The following LRSAM1 variants were observed in gnomAD, a reference collection of about 807,000 sequenced individuals.
LRSAM1 encodes the protein leucine rich repeat and sterile alpha motif containing 1.
In LRSAM1, 96 loss-of-function variants were observed where a neutral mutation model predicts 118.1. That is an observed-to-expected ratio of 0.81 (90% CI 0.69 to 0.96). The LOEUF (loss-of-function observed/expected upper bound fraction) is 0.96, where lower values mean the gene tolerates loss of function less well. Among genes scored for constraint, LRSAM1 ranks in the 40% least tolerant of loss-of-function variants. The pLI is 0.00. For synonymous variants in LRSAM1, 322 were observed against 364.2 expected (o/e 0.88, Z 1.32); for missense variants, 804 against 915.5 (o/e 0.88, Z 1.57).
chr9:127,482,509 A>C (rs946494873), intron 15 of LRSAM1, among the ~76,000 whole-genome samples: 1 of 152,204 alleles, frequency 6.6e-6, no homozygotes, highest in African/African-American at 2.4e-5. Context: ...CTTCCCAAAA[A>C]CATTCTGCCA....
At position 127,466,504 on chromosome 9, in the gene LRSAM1, A is replaced by AT. The variant is rs869115663; in HGVS notation, c.529-1210dup. On this transcript the variant is annotated intron_variant, in intron 9 of 25. Coordinates refer to ENST00000300417, the MANE Select transcript of LRSAM1 (RefSeq NM_001005373.4). ...TATATATATATATATATATATATAT[A>AT]TTTTTTTTTTTTTTTTTTTTTTTTT... is the stretch of plus-strand genomic sequence containing the variant. 3.6e-3 allele frequency among the ~76,000 whole-genome samples: 89 copies of AT among 24,516 alleles called. 3 individuals carry two copies. The highest frequency in any genetic ancestry group is 0.011 in the East Asian group (11 of 1,024). The allele number at this position is 24,516 out of a possible 152,430, so 16.1% of individuals were successfully genotyped here.
Position 127,454,393 on chromosome 9 carries a change from G to T in LRSAM1, c.-32-103G>T. 3 of 875,084 alleles carry T rather than the reference G, an allele frequency of 3.4e-6. No individual in the cohort carries two copies. The Admixed American group carries it at 6.0e-5, about 17-fold the overall frequency. 54.2% of individuals were successfully genotyped at this position (875,084 alleles called of 1,614,324 possible). On this transcript the variant is annotated intron_variant, in intron 2 of 25. Transcript: ENST00000300417. ...AGCCCCTGCCTCCATGGAACTCATG[G>T]TCCAGCAGACCAGCTGCATGCTCTG...
intron 24 of LRSAM1, 42 bp downstream of exon 24, chr9:127,497,376 C>T (rs767878162): frequency 2.2e-5 from 34 of 1,580,132 alleles, no homozygotes; most frequent in East Asian, 4.5e-5. Flanking sequence ...GGGCTCCAGC[C>T]GTATGTGTGG....
intron 25 of LRSAM1, among the ~76,000 whole-genome samples, 199 bp downstream of exon 25, chr9:127,501,342 C>T (rs1588143418): frequency 1.3e-5 from 2 of 152,096 alleles, no homozygotes; most frequent in African/African-American, 2.4e-5. Flanking sequence ...TTTTCCGGAC[C>T]TTTTTCTTTT....
chr9:127,453,975 C>T (rs149713102), intron 2 of LRSAM1: 2,132 of 190,310 alleles, frequency 0.011, 29 homozygotes, highest in Non-Finnish European at 0.016. Flanking sequence ...CCATGGAACT[C>T]GCTAGAAAGA....
At chr9:127,483,811 C>T (rs912475876) in intron 16 of LRSAM1, among the ~76,000 whole-genome samples, 2 of 152,212 alleles carry the variant, frequency 1.3e-5, no homozygotes, top group South Asian at 4.2e-4. Context: ...CACAGATGCA[C>T]ACCACCACAC....
intron 2 of LRSAM1, among the ~76,000 whole-genome samples, chr9:127,452,667 G>A (rs1834370155): frequency 6.6e-6 from 1 of 152,218 alleles, no homozygotes; most frequent in African/African-American, 2.4e-5. Context: ...AGAAGCCAGT[G>A]TTGGTAGCAT....
chr9:127,499,983 G>A (rs1187153019), intron 24 of LRSAM1, among the ~76,000 whole-genome samples: 1 of 151,880 alleles, frequency 6.6e-6, no homozygotes, highest in East Asian at 1.9e-4. Flanking sequence ...TGTAATTCAA[G>A]CCGTAGAATA....
chr9:127,459,173 G>A, intron 7 of LRSAM1, 102 bp downstream of exon 7: 4 of 1,180,190 alleles, frequency 3.4e-6, no homozygotes, highest in Non-Finnish European at 5.0e-6. Flanking sequence ...AGTGGAAGCA[G>A]GCTGCAATCA....
chr9:127,479,591 G>A, intron 13 of LRSAM1, 86 bp downstream of exon 13: 1 of 1,574,636 alleles, frequency 6.4e-7, no homozygotes, highest in Non-Finnish European at 8.6e-7. Context: ...CTCGGATGTG[G>A]AAAGGCAGTG....
rs1271181540 is a variant in LRSAM1 at position 127,461,274 on chromosome 9, C to A, written c.406+17C>A. On this transcript the variant is annotated intron_variant, in intron 8 of 25. Coordinates refer to ENST00000300417, the MANE Select transcript of LRSAM1 (RefSeq NM_001005373.4). The stretch of plus-strand genomic sequence containing the variant: ...ATGTTAAAGGTAGGGACCAAGAAGC[C>A]GTGTCCGTGTGACCCTCCATCAGCT... The A allele has an allele frequency of 6.2e-7, 1 of 1,605,712 alleles. No individual in the cohort carries two copies. The highest frequency in any genetic ancestry group is 1.7e-5 in the Admixed American group (1 of 59,822).
At chr9:127,477,156 A>G (rs1413565945) in intron 11 of LRSAM1, among the ~76,000 whole-genome samples, 1 of 152,180 alleles carries the variant, frequency 6.6e-6, no homozygotes, top group Non-Finnish European at 1.5e-5. Context: ...CACAAATTAT[A>G]TATGTACAGA....
Position 127,462,378 on chromosome 9 carries a change from A to G in LRSAM1, c.528+5A>G, listed in dbSNP as rs749635888. 2 of 1,613,652 alleles carry G rather than the reference A, an allele frequency of 1.2e-6. No individual in the cohort carries two copies. Among genetic ancestry groups the G allele is most frequent in the South Asian group, 2.2e-5 (2 of 91,046 alleles). Reference sequence around the variant, plus strand: ...GCTCACGTTCGAACCCTGGAGGTAAATGGGAAGCTGTTCTTGCCTGGGGTG... The same window carrying G: ...GCTCACGTTCGAACCCTGGAGGTAAGTGGGAAGCTGTTCTTGCCTGGGGTG... On this transcript the variant is annotated splice_donor_5th_base_variant and intron_variant, in intron 9 of 25. Coordinates refer to ENST00000300417, the MANE Select transcript of LRSAM1 (RefSeq NM_001005373.4).
At chr9:127,481,115 G>A in intron 14 of LRSAM1, 68 bp from the exon 15 acceptor site, 4 of 1,570,778 alleles carry the variant, frequency 2.5e-6, no homozygotes, top group Admixed American at 1.7e-5. Context: ...CCTCTGCACA[G>A]CTAACGCAGT....
At position 127,473,870 on chromosome 9, in the gene LRSAM1, ACT is replaced by A. The variant is rs1314609484; in HGVS notation, c.693_694del (p.Arg232GlyfsTer4). On this transcript the variant is annotated frameshift_variant, in exon 11 of 26. Transcript: ENST00000300417. LOFTEE classifies it high-confidence loss of function. ...ATTCTGGAGCAAGATGGAATCGAGA[ACT>A]CTCGGGACAGCCCTGATGGGCCCAC... The A allele has an allele frequency of 6.2e-7, 1 of 1,613,932 alleles. No homozygotes were observed. Among genetic ancestry groups the A allele is most frequent in the Non-Finnish European group, 8.5e-7 (1 of 1,180,006 alleles).
intron 11 of LRSAM1, among the ~76,000 whole-genome samples, chr9:127,477,386 T>A (rs1318508426): frequency 6.6e-6 from 1 of 152,240 alleles, no homozygotes; most frequent in Non-Finnish European, 1.5e-5. Context: ...TATTTATAGG[T>A]TGCTGCTTTT....
At chr9:127,496,195 T>A in intron 23 of LRSAM1, 100 bp downstream of exon 23, 2 of 1,521,130 alleles carry the variant, frequency 1.3e-6, no homozygotes, top group South Asian at 2.4e-5. Flanking sequence ...CGTTGAGGCC[T>A]GTCCTTACCT....
At position 127,491,288 on chromosome 9, in the gene LRSAM1, C is replaced by T. The variant is rs1237150399; in HGVS notation, c.1496C>T (p.Ser499Leu). Reference sequence around the variant, plus strand: ...AAGAGGAAGTCCCTGGACACAGAGTCACTCCAGGTATGTAGGGCTCCCTGC... The same window carrying T: ...AAGAGGAAGTCCCTGGACACAGAGTTACTCCAGGTATGTAGGGCTCCCTGC... ...ELKRKSLDTE[S>L]LQEMISEQRW... The change falls in exon 20 of 26, where the codon TCA becomes TTA. Residue 499 changes from serine (S) to leucine (L), a missense_variant. By Grantham distance (145) the Ser-to-Leu change is moderately radical. Coordinates refer to ENST00000300417, the MANE Select transcript of LRSAM1 (RefSeq NM_001005373.4). The T allele has an allele frequency of 6.2e-7, 1 of 1,613,222 alleles. No individual in the cohort carries two copies. The highest frequency in any genetic ancestry group is 8.5e-7 in the Non-Finnish European group (1 of 1,179,504).
chr9:127,471,629 A>C (rs141934010), intron 10 of LRSAM1, among the ~76,000 whole-genome samples: 1,598 of 151,384 alleles, frequency 0.011, 27 homozygotes, highest in Middle Eastern at 0.034. Flanking sequence ...TTTACTAAAA[A>C]TACAAAGACT....
Sources: gnomAD v4.1 joint callset for allele counts (sites outside exome capture counted in the v4.1 genomes callset) on GRCh38, gnomAD v4.1.1 for gene constraint, MANE v1.5 for transcripts, NCBI Gene and HGNC (gene_info 2026-07-23, HGNC 2026-07-21) for gene names.